The following MPPED1 variants were observed in gnomAD, a reference collection of about 807,000 sequenced individuals.
MPPED1 encodes metallophosphoesterase domain containing 1.
MPPED1 carries 16 observed loss-of-function variants against 36.2 expected under a neutral mutation model. The ratio of observed to expected loss-of-function variants is 0.44; its 90% confidence interval spans 0.30 to 0.67. MPPED1 has a LOEUF of 0.67. Ranked by LOEUF, MPPED1 falls within the 30% of genes least tolerant of loss-of-function variation. MPPED1 has a pLI of 0.10. For missense variants in MPPED1, 307 were observed against 453.4 expected (o/e 0.68, Z 2.93); for synonymous variants, 199 against 191.3 (o/e 1.04, Z -0.33).
Position 43,454,883 on chromosome 22 carries a change from G to A in MPPED1, c.406+19668G>A, listed in dbSNP as rs181944970. 7.2e-4 allele frequency among the ~76,000 whole-genome samples: 109 copies of A among 152,278 alleles called. 2 individuals carry two copies. The highest frequency in any genetic ancestry group is 5.2e-3 in the Admixed American group (80 of 15,292). The stretch of plus-strand genomic sequence containing the variant: ...AAACATTTGTATTCAGATTCTTCAA[G>A]TGCATCTTCTGCATTGATACTGTGT... On this transcript the variant is annotated intron_variant, in intron 3 of 6. Transcript: ENST00000443721.
chr22:43,486,304 C>T (rs1225354714), intron 4 of MPPED1, among the ~76,000 whole-genome samples: 3 of 152,154 alleles, frequency 2.0e-5, no homozygotes, highest in Admixed American at 2.0e-4. Flanking sequence ...ATGTCATCTT[C>T]ACCAGAGACA....
rs775084292 is a variant in MPPED1 at position 43,428,750 on chromosome 22, A to G, written c.224+3541A>G. The stretch of plus-strand genomic sequence containing the variant: ...GTGACGAGGCCGCCTTTGCTTGGGT[A>G]ATGAATCTCCGGAGCTGGGCCTCTA... On this transcript the variant is annotated intron_variant, in intron 2 of 6. Coordinates refer to ENST00000443721, the MANE Select transcript of MPPED1 (RefSeq NM_001044370.2). Among the ~76,000 whole-genome samples the G allele has an allele frequency of 3.5e-4, 53 of 151,910 alleles. 1 individual carries two copies. The highest frequency in any genetic ancestry group is 1.0e-4 in the Non-Finnish European group (7 of 67,978).
intron 1 of MPPED1, among the ~76,000 whole-genome samples, chr22:43,422,857 C>CT (rs973443590): frequency 2.0e-5 from 3 of 151,936 alleles, no homozygotes; most frequent in African/African-American, 7.2e-5. Flanking sequence ...TCTTTTCTTT[C>CT]TTTTTTTTGA....
At chr22:43,432,020 G>C (rs1929704653) in intron 2 of MPPED1, among the ~76,000 whole-genome samples, 1 of 152,202 alleles carries the variant, frequency 6.6e-6, no homozygotes, top group African/African-American at 2.4e-5. Context: ...CTGGCTGGTG[G>C]TGGGTGGGAG....
chr22:43,445,627 C>G (rs1260129599), intron 3 of MPPED1, among the ~76,000 whole-genome samples: 2 of 141,746 alleles, frequency 1.4e-5, no homozygotes, highest in African/African-American at 5.2e-5. Context: ...GTGGCACAAT[C>G]ATTGCTTACT....
intron 2 of MPPED1, among the ~76,000 whole-genome samples, chr22:43,432,274 G>A (rs951009765): frequency 6.8e-6 from 1 of 147,970 alleles, no homozygotes; most frequent in African/African-American, 2.5e-5. Flanking sequence ...AAAGGGAGGA[G>A]AGAGAGAGAA....
At chr22:43,423,991 G>A (rs1266761342) in intron 1 of MPPED1, among the ~76,000 whole-genome samples, 2 of 152,178 alleles carry the variant, frequency 1.3e-5, no homozygotes, top group Non-Finnish European at 2.9e-5. Flanking sequence ...GGGGTAGGAT[G>A]GGGCCTCACC....
rs1198491270 is a variant in MPPED1 at position 43,498,224 on chromosome 22, T to G, written c.633-11T>G. 2.6e-6 allele frequency: 4 copies of G among 1,533,498 alleles called. No homozygotes were observed. Among genetic ancestry groups the G allele is most frequent in the Admixed American group, 2.0e-5 (1 of 50,908 alleles). 95.0% of individuals were successfully genotyped at this position (1,533,498 alleles called of 1,614,324 possible). A position where few individuals can be genotyped will look rare whatever the true frequency, so the allele number is the denominator to read the frequency against. On this transcript the variant is annotated splice_polypyrimidine_tract_variant and intron_variant, in intron 4 of 6. Coordinates refer to ENST00000443721, the MANE Select transcript of MPPED1 (RefSeq NM_001044370.2). ...CCCGCCCTCCCTCAAACACCTGCAC[T>G]TCTTCTACAGGCAGCCCTGGTTCTA...
intron 5 of MPPED1, among the ~76,000 whole-genome samples, chr22:43,500,355 A>G (rs1025377150): frequency 0.013 from 443 of 33,304 alleles, no homozygotes; most frequent in Middle Eastern, 0.05. Context: ...GGTGATGGTG[A>G]TGGAGGTGGT....
At chr22:43,501,183 G>C (rs1286193610) in intron 5 of MPPED1, among the ~76,000 whole-genome samples, 1 of 152,172 alleles carries the variant, frequency 6.6e-6, no homozygotes, top group Non-Finnish European at 1.5e-5. Flanking sequence ...AGCCGGGTTT[G>C]TTTCACCCCC....
At chr22:43,432,540 AG>A (rs1929751692) in intron 2 of MPPED1, among the ~76,000 whole-genome samples, 1 of 116,982 alleles carries the variant, frequency 8.5e-6, no homozygotes, top group Non-Finnish European at 1.8e-5. Flanking sequence ...TAAAGGGAGG[AG>A]AGAAAGAAAG....
chr22:43,492,696 A>G (rs1280902969), intron 4 of MPPED1, among the ~76,000 whole-genome samples: 1 of 152,140 alleles, frequency 6.6e-6, no homozygotes, highest in East Asian at 1.9e-4. Context: ...GCTCTCCTGG[A>G]GCCTGCTCAT....
chr22:43,436,308 C>T (rs1485815785), intron 3 of MPPED1, among the ~76,000 whole-genome samples: 4 of 152,194 alleles, frequency 2.6e-5, no homozygotes, highest in South Asian at 2.1e-4. Flanking sequence ...CGCAGCCCCA[C>T]GTGGCTGCCA....
intron 3 of MPPED1, among the ~76,000 whole-genome samples, chr22:43,454,039 C>T (rs908509005): frequency 1.3e-5 from 2 of 152,098 alleles, no homozygotes; most frequent in East Asian, 1.9e-4. Context: ...GACAGAGTTT[C>T]GCTCTGTCGC....
chr22:43,497,935 G>GTATGTATATA lies in MPPED1; in HGVS notation c.633-297_633-296insGTATATATAT, dbSNP rs1932480800. ...AAGAAGCTGATATATATATGTATAT[G>GTATGTATATA]TATATATATATATGTATTTAGCTTT... On this transcript the variant is annotated intron_variant, in intron 4 of 6. Transcript: ENST00000443721. Among the ~76,000 whole-genome samples the GTATGTATATA allele has an allele frequency of 1.5e-4, 19 of 128,362 alleles. 1 individual carries two copies. The highest frequency in any genetic ancestry group is 6.6e-4 in the African/African-American group (19 of 28,884). The allele number at this position is 128,362 out of a possible 152,430, so 84.2% of individuals were successfully genotyped here. A position where few individuals can be genotyped will look rare whatever the true frequency, so the allele number is the denominator to read the frequency against.
chr22:43,465,527 G>A (rs1446172124), intron 3 of MPPED1, among the ~76,000 whole-genome samples: 1 of 152,236 alleles, frequency 6.6e-6, no homozygotes, highest in East Asian at 1.9e-4. Flanking sequence ...CGCTGAACAA[G>A]GCAGGGGCCT....
chr22:43,477,280 A>C (rs1296025014), intron 4 of MPPED1, among the ~76,000 whole-genome samples: 1 of 152,196 alleles, frequency 6.6e-6, no homozygotes, highest in African/African-American at 2.4e-5. Context: ...CCATCCCGCA[A>C]GGGAGGCTGT....
In MPPED1 at chr22:43,505,501, A is replaced by G. The variant is rs1932790256; in HGVS notation, c.866A>G (p.Tyr289Cys). 1 of 1,606,708 alleles carries G rather than the reference A, an allele frequency of 6.2e-7. No homozygotes were observed. The highest frequency in any genetic ancestry group is 8.5e-7 in the Non-Finnish European group (1 of 1,176,790). ...LHVFGHIHEG[Y>C]GVMADGTTTY... ...TGGGCATGTGCTTACTTTCCAGGGT[A>G]TGGTGTCATGGCAGATGGGACGACC... The change falls in exon 7 of 7, where the codon TAT becomes TGT. Residue 289 changes from tyrosine (Y) to cysteine (C), a missense_variant. Around this residue, in one of 3 missense-constraint regions of MPPED1, gnomAD observed 132 missense variants for 212.3 expected, o/e 0.62. Coordinates refer to ENST00000443721, the MANE Select transcript of MPPED1 (RefSeq NM_001044370.2).
intron 4 of MPPED1, among the ~76,000 whole-genome samples, chr22:43,482,635 A>G (rs1476879370): frequency 6.6e-6 from 1 of 152,190 alleles, no homozygotes; most frequent in African/African-American, 2.4e-5. Flanking sequence ...CTTGGGATTG[A>G]AGGAGGTCCT....
Sources: allele counts gnomAD v4.1 joint callset (sites outside exome capture counted in the v4.1 genomes callset), GRCh38; gene constraint gnomAD v4.1.1; regional missense constraint gnomAD v4.1.1; transcripts MANE v1.5; gene names NCBI Gene and HGNC (gene_info 2026-07-23, HGNC 2026-07-21).